DNAJB12: variants seen among roughly 807,000 people sequenced by gnomAD.
DNAJB12 encodes dnaJ homolog subfamily B member 12.
A neutral mutation model predicts 40.6 loss-of-function variants in DNAJB12; 14 were observed. The ratio of observed to expected loss-of-function variants is 0.34; its 90% CI spans 0.23 to 0.54. The LOEUF is 0.54. DNAJB12 is among the 20% of genes least tolerant of loss of function. The pLI is 0.92. For missense variants in DNAJB12, 444 were observed against 501.7 expected, an observed-to-expected ratio of 0.89 and a Z score of 1.10; for synonymous variants, 181 against 199.5, an observed-to-expected ratio of 0.91 and a Z score of 0.78.
chr10:72,354,581 C>G (rs1005349341), intron 1 of DNAJB12, among the ~76,000 whole-genome samples, 184 bp downstream of exon 1: 1 of 152,236 alleles, frequency 6.6e-6, no homozygotes, highest in Non-Finnish European at 1.5e-5. Context: ...CTCCAGACGG[C>G]TCGCATCCCG....
intron 1 of DNAJB12, among the ~76,000 whole-genome samples, chr10:72,349,711 A>G (rs935046738): frequency 1.3e-5 from 2 of 152,164 alleles, no homozygotes; most frequent in Non-Finnish European, 2.9e-5. Flanking sequence ...TGTACCTCTC[A>G]GAGAAGATTC....
At position 72,335,646 on chromosome 10, in the gene DNAJB12, C is replaced by G; in HGVS notation, c.*30+134G>C. 7.0e-7 allele frequency: 1 copy of G among 1,432,946 alleles called. No homozygotes were observed. Among genetic ancestry groups the G allele is most frequent in the Non-Finnish European group, 9.1e-7 (1 of 1,095,416 alleles). The allele number at this position is 1,432,946 out of a possible 1,614,324, so 88.8% of individuals were successfully genotyped here. On this transcript the variant is annotated intron_variant, in intron 8 of 8. Transcript: ENST00000444643. The surrounding 1 kb of genome is among the most constrained non-coding windows in gnomAD (Gnocchi z 4.4). ...CCCACAGCTGCTCGGTCTCTGGAGG[C>G]TGGAGGTCAGGCTGGGGACAGGAGT...
At chr10:72,339,520 C>CA (rs1861572095) in intron 5 of DNAJB12, among the ~76,000 whole-genome samples, 1 of 149,866 alleles carries the variant, frequency 6.7e-6, no homozygotes, top group Non-Finnish European at 1.5e-5. Flanking sequence ...GGCAACAGAG[C>CA]GAGACTCCAT....
At position 72,337,676 on chromosome 10, in the gene DNAJB12, C is replaced by G. The variant is rs1015088671; in HGVS notation, c.833+526G>C. On this transcript the variant is annotated intron_variant, in intron 6 of 8. Transcript: ENST00000444643. ...GTTATATAACTTGTTTAGGGTCACA[C>G]AGCTTCTTAGTGGAGAAGCTGGGAT... Among the ~76,000 whole-genome samples the G allele has an allele frequency of 2.6e-5, 4 of 152,182 alleles. No individual in the cohort carries two copies. The East Asian group carries it at 7.7e-4, about 29-fold the overall frequency.
intron 6 of DNAJB12, among the ~76,000 whole-genome samples, chr10:72,337,936 CGTGTGTGTGTAT>C (rs1476600182): frequency 1.3e-5 from 2 of 151,848 alleles, no homozygotes; most frequent in Non-Finnish European, 2.9e-5. Flanking sequence ...ACATGTGTAT[CGTGTGTGTGTAT>C]GTGTGTGTGC....
chr10:72,354,566 C>T (rs1263549799), intron 1 of DNAJB12, among the ~76,000 whole-genome samples, 199 bp downstream of exon 1: 1 of 152,208 alleles, frequency 6.6e-6, no homozygotes. Flanking sequence ...CCCGGCCGCC[C>T]GAGTCTCCAG....
rs992176833 is a variant in DNAJB12, at chr10:72,336,023, T to C, written c.1007-92A>G. On this transcript the variant is annotated intron_variant, in intron 7 of 8. Coordinates refer to ENST00000444643, the MANE Select transcript of DNAJB12 (RefSeq NM_017626.7). Reference sequence around the variant, plus strand: ...AGGGCTGTGGAGGGCGGAGGAAAGCTGGTACATGCCCGGGGCTTGGGCAGG... The same window carrying C: ...AGGGCTGTGGAGGGCGGAGGAAAGCCGGTACATGCCCGGGGCTTGGGCAGG... The C allele has an allele frequency of 4.2e-5, 64 of 1,523,490 alleles. No homozygotes were observed. In the Admixed American group the frequency reaches 5.1e-4, roughly 12 times the overall value. The allele number at this position is 1,523,490 out of a possible 1,614,324, so 94.4% of individuals were successfully genotyped here. A position where few individuals can be genotyped will look rare whatever the true frequency, so the allele number is the denominator to read the frequency against.
chr10:72,345,916 T>G (rs1405337215), intron 1 of DNAJB12, among the ~76,000 whole-genome samples: 1 of 144,010 alleles, frequency 6.9e-6, no homozygotes, highest in Non-Finnish European at 1.5e-5. Context: ...AAAAAAAAAG[T>G]AGGCAGGATA....
intron 5 of DNAJB12, among the ~76,000 whole-genome samples, chr10:72,340,433 A>T (rs1242866690): frequency 2.0e-5 from 3 of 152,232 alleles, no homozygotes; most frequent in Admixed American, 2.0e-4. Context: ...ATTCTCTCAC[A>T]AAGTGTAACT....
chr10:72,334,848 G>T (rs1211648626), intron 8 of DNAJB12: 3 of 1,342,030 alleles, frequency 2.2e-6, no homozygotes, highest in Non-Finnish European at 2.8e-6. Flanking sequence ...AGGCAAAGGA[G>T]GGGGTGGGCA....
chr10:72,333,277 A>T lies in DNAJB12; in HGVS notation c.*1371T>A, dbSNP rs1861367028. ...AATGACACACCCACCGCCACAGGAAAACATGGTCATTCCAGAAGGCCCAGG... is the reference window on the plus strand; with the variant it reads ...AATGACACACCCACCGCCACAGGAATACATGGTCATTCCAGAAGGCCCAGG... On this transcript the variant is annotated 3_prime_UTR_variant, in exon 9 of 9. Coordinates refer to ENST00000444643, the MANE Select transcript of DNAJB12 (RefSeq NM_017626.7). 1 of 152,180 alleles carries T rather than the reference A, an allele frequency of 6.6e-6. No homozygotes were observed. The highest frequency in any genetic ancestry group is 1.5e-5 in the Non-Finnish European group (1 of 68,032). The allele number at this position is 152,180 out of a possible 1,614,324, so 9.4% of individuals were successfully genotyped here.
At chr10:72,349,010 T>A (rs562580975) in intron 1 of DNAJB12, among the ~76,000 whole-genome samples, 1 of 152,240 alleles carries the variant, frequency 6.6e-6, no homozygotes, top group Admixed American at 6.5e-5. Context: ...TCCATGCTCT[T>A]AACTACGCTG....
In DNAJB12 at chr10:72,338,299, C is replaced by A; in HGVS notation, c.736G>T (p.Val246Leu). Residue 246 changes from valine to leucine, a missense_variant, in exon 6 of 9, where the codon GTG becomes TTG. Transcript: ENST00000444643. ...AGGATAGGCATCAGCTGCACAAACA[C>A]CCCTAGCCCGCCCTGGAGGGAAGAG... Reference protein sequence around the residue: ...RDNQGDGGLGVFVQLMPILIL... With the variant: ...RDNQGDGGLGLFVQLMPILIL... 1 of 1,613,982 alleles carries A rather than the reference C, an allele frequency of 6.2e-7. No individual in the cohort carries two copies. The highest frequency in any genetic ancestry group is 1.1e-5 in the South Asian group (1 of 91,076).
chr10:72,354,845 G>C lies in DNAJB12; in HGVS notation c.53C>G (p.Ala18Gly). 1 of 1,614,122 alleles carries C rather than the reference G, an allele frequency of 6.2e-7. No homozygotes were observed. Among genetic ancestry groups the C allele is most frequent in the Non-Finnish European group, 8.5e-7 (1 of 1,179,960 alleles). ...CCGGTCGGGCTGGTTGCTCTGGATG[G>C]CCTTGAGGGCGATGCTGATACAGCG... is the stretch of plus-strand genomic sequence containing the variant. ...AERCISIALK[A>G]IQSNQPDRAL... The change falls in exon 1 of 9, where the codon GCC becomes GGC. Residue 18 changes from alanine (A) to glycine (G), a missense_variant. Ala to Gly is a moderately conservative substitution (Grantham distance 60). Transcript: ENST00000444643.
chr10:72,336,689 C>T lies in DNAJB12; in HGVS notation c.841G>A (p.Gly281Ser). 6 of 1,613,798 alleles carry T rather than the reference C, an allele frequency of 3.7e-6. No homozygotes were observed. The highest frequency in any genetic ancestry group is 4.2e-6 in the Non-Finnish European group (5 of 1,179,774). ...PYSLSPRPSV[G>S]HIHRRVTDHL... ...TCAGTGACTCGCCTGTGGATGTGGC[C>T]CACGGACCTGGCCAGAAATACCAGG... The change falls in exon 7 of 9, where the codon GGC becomes AGC. Residue 281 changes from glycine (G) to serine (S), a missense_variant. Coordinates refer to ENST00000444643, the MANE Select transcript of DNAJB12 (RefSeq NM_017626.7).
rs200150427 is a variant in DNAJB12, at chr10:72,342,424, G to T, written c.457+942C>A. 2.4e-4 allele frequency among the ~76,000 whole-genome samples: 36 copies of T among 152,336 alleles called. No homozygotes were observed. The East Asian group carries it at 6.0e-3, about 25-fold the overall frequency. On this transcript the variant is annotated intron_variant, in intron 3 of 8. Transcript: ENST00000444643. The stretch of plus-strand genomic sequence containing the variant: ...TGAATAGGCCTCAAGGCCAGAGCTG[G>T]CCTCTCGGTACAGTCGGAGCAGGCT...
intron 3 of DNAJB12, among the ~76,000 whole-genome samples, chr10:72,341,884 G>A (rs1400819949): frequency 6.6e-6 from 1 of 152,220 alleles, no homozygotes; most frequent in Admixed American, 6.5e-5. Context: ...AGAGCTGGGA[G>A]TCAAACAAAA....
intron 1 of DNAJB12, among the ~76,000 whole-genome samples, chr10:72,346,958 T>C (rs1236991116): frequency 6.6e-6 from 1 of 151,882 alleles, no homozygotes; most frequent in East Asian, 1.9e-4. Context: ...ATTTTTACCA[T>C]TGGTTTTTTT....
At chr10:72,354,625 G>A (rs1862017666) in intron 1 of DNAJB12, 140 bp downstream of exon 1, 2 of 768,412 alleles carry the variant, frequency 2.6e-6, no homozygotes, top group Non-Finnish European at 4.0e-6. Flanking sequence ...ACGCCTCCCA[G>A]CAGCCACCGC....
Sources: gnomAD v4.1 joint callset for allele counts (sites outside exome capture counted in the v4.1 genomes callset) on GRCh38, gnomAD v4.1.1 for gene constraint, Gnocchi (gnomAD v3.1) non-coding constraint, MANE v1.5 for transcripts, NCBI Gene and HGNC (gene_info 2026-07-23, HGNC 2026-07-21) for gene names.